HCK: variants seen among roughly 807,000 people sequenced by gnomAD.
HCK encodes tyrosine-protein kinase HCK.
In HCK, 40 loss-of-function variants were observed where a neutral mutation model predicts 70.4. The ratio of observed to expected loss-of-function variants is 0.57; its 90% confidence interval spans 0.44 to 0.74. HCK has a LOEUF of 0.74. Ranked by LOEUF, HCK falls within the 30% of genes least tolerant of loss-of-function variation. The pLI, the probability that HCK is intolerant of heterozygous loss-of-function variation, is 0.00. For missense variants in HCK, 568 were observed against 697.2 expected (o/e 0.81, Z 2.09); for synonymous variants, 245 against 263.2 (o/e 0.93, Z 0.67).
At chr20:32,088,249 A>G (rs899289382) in intron 9 of HCK, among the ~76,000 whole-genome samples, 1 of 152,230 alleles carries the variant, frequency 6.6e-6, no homozygotes, top group African/African-American at 2.4e-5. Context: ...ATGCAATCCC[A>G]TTTAGTGCGA....
At chr20:32,073,424 C>A in intron 3 of HCK, 63 bp downstream of exon 3, 4 of 1,405,684 alleles carry the variant, frequency 2.8e-6, no homozygotes, top group Non-Finnish European at 3.9e-6. Context: ...GCTAGGTTCT[C>A]CCTTAGCTTG....
intron 5 of HCK, 46 bp from the exon 6 acceptor site, chr20:32,079,728 A>T (rs1161781834): frequency 1.5e-6 from 2 of 1,342,952 alleles, no homozygotes; most frequent in Non-Finnish European, 2.1e-6. Flanking sequence ...GCCGGACAGG[A>T]CTGCATGACC....
At chr20:32,061,778 G>C (rs927255513) in intron 1 of HCK, among the ~76,000 whole-genome samples, 6 of 152,122 alleles carry the variant, frequency 3.9e-5, no homozygotes, top group African/African-American at 1.4e-4. Context: ...CCAGTGGAAT[G>C]ATCAAGGGAG....
intron 9 of HCK, among the ~76,000 whole-genome samples, chr20:32,087,194 G>A (rs759657585): frequency 7.2e-5 from 11 of 152,224 alleles, no homozygotes; most frequent in Non-Finnish European, 1.5e-4. Context: ...GGGAGAGGGA[G>A]CTGGCAAAGC....
chr20:32,099,738 C>G (rs557003013), intron 12 of HCK, among the ~76,000 whole-genome samples: 1 of 152,092 alleles, frequency 6.6e-6, no homozygotes, highest in African/African-American at 2.4e-5. Context: ...CACTTTGAAC[C>G]CCACAGTCTC....
chr20:32,073,406 A>C (rs1470212216), intron 3 of HCK, 45 bp downstream of exon 3: 1 of 1,521,362 alleles, frequency 6.6e-7, no homozygotes, highest in South Asian at 1.1e-5. Flanking sequence ...TGTCCTGCAG[A>C]GGACTCCGCT....
At chr20:32,056,919 G>A (rs1013262818) in intron 1 of HCK, among the ~76,000 whole-genome samples, 33 of 152,156 alleles carry the variant, frequency 2.2e-4, no homozygotes, top group African/African-American at 7.7e-4. Flanking sequence ...ACACTGATGG[G>A]ACAAACGCAA....
rs1414057960 is a variant in HCK, at chr20:32,101,402, C to A, written c.1464C>A (p.Asn488Lys). 1 of 1,614,256 alleles carries A rather than the reference C, an allele frequency of 6.2e-7. No individual in the cohort carries two copies. The highest frequency in any genetic ancestry group is 8.5e-7 in the Non-Finnish European group (1 of 1,180,034). The change falls in exon 13 of 13, where the codon AAC becomes AAA. Residue 488 changes from asparagine (N) to lysine (K), a missense_variant. By Grantham distance (94) the Asn-to-Lys change is moderately conservative. Transcript: ENST00000375852. ...AGAACTGCCCAGAGGAGCTCTACAA[C>A]ATCATGATGCGCTGCTGGAAAAACC...
chr20:32,101,818 T>G lies in HCK; in HGVS notation c.*299T>G, dbSNP rs555995868. The G allele has an allele frequency of 7.0e-6, 2 of 285,890 alleles. No individual in the cohort carries two copies. The highest frequency in any genetic ancestry group is 1.3e-4 in the East Asian group (2 of 14,976). The allele number at this position is 285,890 out of a possible 1,614,324, so 17.7% of individuals were successfully genotyped here. A position where few individuals can be genotyped will look rare whatever the true frequency, so the allele number is the denominator to read the frequency against. ...AACTTTCAAAATAGTGAAATGAATA[T>G]TTAAATAAAAGATATAAATGCCAAA... On this transcript the variant is annotated 3_prime_UTR_variant, in exon 13 of 13. Coordinates refer to ENST00000375852, the MANE Select transcript of HCK (RefSeq NM_002110.5).
intron 11 of HCK, among the ~76,000 whole-genome samples, chr20:32,097,192 A>G (rs530282123): frequency 3.9e-4 from 59 of 152,220 alleles, no homozygotes; most frequent in Non-Finnish European, 5.3e-4. Flanking sequence ...AGGCGGGAGA[A>G]TCGCTTGAGC....
intron 1 of HCK, among the ~76,000 whole-genome samples, chr20:32,065,413 C>T (rs368867229): frequency 6.6e-5 from 10 of 152,112 alleles, no homozygotes; most frequent in Admixed American, 1.3e-4. Context: ...TTTATTTGCT[C>T]GTGGACTGGA....
At chr20:32,078,828 G>C (rs1229773545) in intron 5 of HCK, among the ~76,000 whole-genome samples, 1 of 138,376 alleles carries the variant, frequency 7.2e-6, no homozygotes, top group African/African-American at 2.8e-5. Context: ...CTGCACTCCA[G>C]CCTGGGTGAC....
intron 1 of HCK, among the ~76,000 whole-genome samples, chr20:32,056,192 G>C (rs1382813992): frequency 2.0e-5 from 3 of 152,226 alleles, no homozygotes; most frequent in Non-Finnish European, 4.4e-5. Flanking sequence ...GTATATACCT[G>C]AAGTAGAGTT....
intron 1 of HCK, among the ~76,000 whole-genome samples, chr20:32,061,680 T>C (rs2045379003): frequency 6.6e-6 from 1 of 152,162 alleles, no homozygotes. Flanking sequence ...ATGGAGCCTT[T>C]CTGGGTGAAG....
intron 1 of HCK, among the ~76,000 whole-genome samples, chr20:32,068,874 G>A (rs2045498425): frequency 6.6e-6 from 1 of 152,144 alleles, no homozygotes; most frequent in African/African-American, 2.4e-5. Flanking sequence ...ATCCTGGGAG[G>A]TCGAGGTTGC....
intron 11 of HCK, among the ~76,000 whole-genome samples, chr20:32,094,310 G>T (rs1460219779): frequency 1.3e-5 from 2 of 152,136 alleles, no homozygotes; most frequent in East Asian, 3.9e-4. Context: ...ACAAAAATGG[G>T]GAGGGTATCC....
chr20:32,064,881 G>T (rs756104229), intron 1 of HCK, among the ~76,000 whole-genome samples: 2 of 152,260 alleles, frequency 1.3e-5, no homozygotes, highest in African/African-American at 4.8e-5. Flanking sequence ...TCCCAGGGAC[G>T]GCAGTGGCCC....
chr20:32,100,453 GCT>G (rs1569019175), intron 12 of HCK, among the ~76,000 whole-genome samples: 1 of 152,168 alleles, frequency 6.6e-6, no homozygotes. Flanking sequence ...GATCTGACTT[GCT>G]GACTTAGGAG....
In HCK at chr20:32,073,796, G is replaced by A; in HGVS notation, c.307G>A (p.Asp103Asn). ...CGAAGACCTCAGCTTCCAGAAGGGG[G>A]ACCAGATGGTGGTCCTAGAGGAGTG... is the stretch of plus-strand genomic sequence containing the variant. The change falls in exon 4 of 13, where the codon GAC becomes AAC. Residue 103 changes from aspartate to asparagine, a missense_variant. Physicochemically the swap from Asp to Asn is conservative, Grantham distance 23. Around this residue, in one of 4 missense-constraint regions of HCK, gnomAD observed 318 missense variants for 336.0 expected, o/e 0.95. Transcript: ENST00000375852. 1 of 1,553,574 alleles carries A rather than the reference G, an allele frequency of 6.4e-7. No homozygotes were observed. The highest frequency in any genetic ancestry group is 1.2e-5 in the South Asian group (1 of 84,234).
Sources: allele counts gnomAD v4.1 joint callset (sites outside exome capture counted in the v4.1 genomes callset), GRCh38; gene constraint gnomAD v4.1.1; regional missense constraint gnomAD v4.1.1; transcripts MANE v1.5; gene names NCBI Gene and HGNC (gene_info 2026-07-23, HGNC 2026-07-21).